OPCML: variants seen among roughly 807,000 people sequenced by gnomAD.
OPCML encodes the protein opioid-binding protein/cell adhesion molecule.
Under a neutral mutation model 37.8 loss-of-function variants are expected in OPCML, and 13 were observed. The observed-to-expected ratio is 0.34, with a 90% CI of 0.22 to 0.55. OPCML has a LOEUF of 0.55. Ranked by LOEUF, OPCML falls within the 20% of genes least tolerant of loss-of-function variation. OPCML has a pLI of 0.91. For synonymous variants in OPCML, 176 were observed against 168.8 expected (o/e 1.04, Z -0.33); for missense variants, 341 against 435.6 (o/e 0.78, Z 1.93).
chr11:132,440,240 C>G (rs1439060418), intron 4 of OPCML, among the ~76,000 whole-genome samples: 1 of 151,776 alleles, frequency 6.6e-6, no homozygotes, highest in Non-Finnish European at 1.5e-5. Context: ...AAATGGGGAT[C>G]GTTATAATAC....
intron 1 of OPCML, among the ~76,000 whole-genome samples, chr11:133,198,352 C>T (rs372896769): frequency 6.6e-6 from 1 of 152,192 alleles, no homozygotes; most frequent in Non-Finnish European, 1.5e-5. Flanking sequence ...AAAGGACATT[C>T]GATCATACAT....
intron 1 of OPCML, among the ~76,000 whole-genome samples, chr11:133,484,367 C>A (rs979946666): frequency 6.6e-6 from 1 of 152,004 alleles, no homozygotes; most frequent in Non-Finnish European, 1.5e-5. Flanking sequence ...TATTCTATAT[C>A]TAGGTTTCTA....
chr11:133,529,057 A>G (rs1948548179), intron 1 of OPCML, among the ~76,000 whole-genome samples: 1 of 152,236 alleles, frequency 6.6e-6, no homozygotes, highest in Non-Finnish European at 1.5e-5. Context: ...CCCCATGGCC[A>G]CAGAGCCATT....
intron 4 of OPCML, among the ~76,000 whole-genome samples, chr11:132,485,931 T>C (rs149513689): frequency 4.0e-4 from 61 of 152,274 alleles, no homozygotes; most frequent in African/African-American, 1.4e-3. Flanking sequence ...AGTGCCACAG[T>C]ATAGGTGTGT....
chr11:133,276,656 G>C (rs1436241189), intron 1 of OPCML, among the ~76,000 whole-genome samples: 1 of 152,168 alleles, frequency 6.6e-6, no homozygotes, highest in Non-Finnish European at 1.5e-5. Flanking sequence ...ATCAAATCTA[G>C]AGACCTTTTC....
chr11:132,474,911 C>A (rs1413552667), intron 4 of OPCML, among the ~76,000 whole-genome samples: 1 of 152,202 alleles, frequency 6.6e-6, no homozygotes, highest in Non-Finnish European at 1.5e-5. Flanking sequence ...ATCCCCTGGT[C>A]ACAAAATAAC....
intron 3 of OPCML, among the ~76,000 whole-genome samples, chr11:132,650,601 C>A (rs201176008): frequency 8.6e-5 from 13 of 151,680 alleles, no homozygotes; most frequent in African/African-American, 2.4e-4. Flanking sequence ...CATACACACA[C>A]AAAAAAAACA....
At chr11:132,607,480 T>C (rs2137820554) in intron 3 of OPCML, among the ~76,000 whole-genome samples, 1 of 152,336 alleles carries the variant, frequency 6.6e-6, no homozygotes, top group East Asian at 1.9e-4. Context: ...CTGGGCCACA[T>C]TGAGTTGGGT....
chr11:133,281,736 G>A (rs949648077), intron 1 of OPCML, among the ~76,000 whole-genome samples: 2 of 152,072 alleles, frequency 1.3e-5, no homozygotes, highest in East Asian at 1.9e-4. Flanking sequence ...TGGTTGAATG[G>A]TTGTGACCAA....
chr11:133,475,030 C>T (rs1947208190), intron 1 of OPCML, among the ~76,000 whole-genome samples: 1 of 152,136 alleles, frequency 6.6e-6, no homozygotes, highest in African/African-American at 2.4e-5. Flanking sequence ...ATCCGTGGGA[C>T]ATGCCACCTT....
In OPCML at chr11:132,885,609, T is replaced by C. The variant is rs535206162; in HGVS notation, c.146+57317A>G. Among the ~76,000 whole-genome samples, 37 of 152,338 alleles carry C rather than the reference T, an allele frequency of 2.4e-4. No individual in the cohort carries two copies. The East Asian group carries it at 5.2e-3, about 21-fold the overall frequency. Reference sequence around the variant, plus strand: ...AAGTTGGTATTTGGGGTAAAAGGGCTTTCTCAAATATTAAAAAAATAATTT... The same window carrying C: ...AAGTTGGTATTTGGGGTAAAAGGGCCTTCTCAAATATTAAAAAAATAATTT... On this transcript the variant is annotated intron_variant, in intron 2 of 7. Transcript: ENST00000524381.
At position 132,911,570 on chromosome 11, in the gene OPCML, C is replaced by T. The variant is rs367726755; in HGVS notation, c.146+31356G>A. Among the ~76,000 whole-genome samples, 10 of 152,132 alleles carry T rather than the reference C, an allele frequency of 6.6e-5. No individual in the cohort carries two copies. In the South Asian group the frequency reaches 1.0e-3, roughly 16 times the overall value. On this transcript the variant is annotated intron_variant, in intron 2 of 7. Coordinates refer to ENST00000524381, the MANE Select transcript of OPCML (RefSeq NM_001012393.5). The stretch of plus-strand genomic sequence containing the variant: ...AAAGTCAAACACAGAGACCAGTGAG[C>T]GCCATCTGACAGCAAAGATAGCAAG...
At chr11:132,483,985 A>C (rs2096190359) in intron 4 of OPCML, among the ~76,000 whole-genome samples, 2 of 152,306 alleles carry the variant, frequency 1.3e-5, no homozygotes, top group Non-Finnish European at 2.9e-5. Context: ...CCTAGGCTTT[A>C]CCGTTCAGGA....
At chr11:132,591,503 G>T (rs1019408314) in intron 3 of OPCML, among the ~76,000 whole-genome samples, 5 of 152,160 alleles carry the variant, frequency 3.3e-5, no homozygotes, top group African/African-American at 1.2e-4. Context: ...GTTCTAAGAG[G>T]TTGGATACAT....
chr11:132,849,782 G>A (rs547854513), intron 2 of OPCML, among the ~76,000 whole-genome samples: 1 of 152,190 alleles, frequency 6.6e-6, no homozygotes, highest in Admixed American at 6.5e-5. Flanking sequence ...GAGTGGGCAT[G>A]GGGTCAGCCA....
chr11:133,475,186 G>A (rs1376306588), intron 1 of OPCML, among the ~76,000 whole-genome samples: 1 of 150,846 alleles, frequency 6.6e-6, no homozygotes, highest in East Asian at 1.9e-4. Flanking sequence ...TTTATTGTGT[G>A]TAGGGTTTTT....
intron 1 of OPCML, among the ~76,000 whole-genome samples, chr11:133,372,584 G>A (rs868195393): frequency 2.0e-5 from 3 of 152,226 alleles, no homozygotes; most frequent in Middle Eastern, 3.4e-3. Flanking sequence ...AAAATAAATC[G>A]TTCTCCTGTC....
chr11:132,715,431 CCAACTCGGTGA>C (rs1181011262), intron 2 of OPCML, among the ~76,000 whole-genome samples: 2 of 152,170 alleles, frequency 1.3e-5, no homozygotes, highest in Admixed American at 1.3e-4. Context: ...TCTGCTACTG[CCAACTCGGTGA>C]CCTTGAACAA....
chr11:133,003,826 C>A (rs568665123), intron 1 of OPCML: 10 of 985,270 alleles, frequency 1.0e-5, no homozygotes, highest in African/African-American at 1.7e-5. Flanking sequence ...CTCCAAACAG[C>A]GGATAAATGA....
Sources: gnomAD v4.1 joint callset for allele counts (sites outside exome capture counted in the v4.1 genomes callset) on GRCh38, gnomAD v4.1.1 for gene constraint, MANE v1.5 for transcripts, NCBI Gene and HGNC (gene_info 2026-07-23, HGNC 2026-07-21) for gene names.